Variants in NMNAT3 observed in about 807,000 individuals in gnomAD.
The protein encoded by NMNAT3 is nicotinamide nucleotide adenylyltransferase 3, also known as nicotinamide/nicotinic acid mononucleotide adenylyltransferase 3.
Under a neutral mutation model 24.8 loss-of-function variants are expected in NMNAT3, and 21 were observed. The observed-to-expected ratio is 0.85, with a 90% CI of 0.60 to 1.22. The LOEUF (loss-of-function observed/expected upper bound fraction) is 1.22. Ranked by LOEUF, NMNAT3 falls within the 50% of genes most tolerant of loss-of-function variation. The probability of loss-of-function intolerance (pLI) is 0.00; values close to 1 mark genes in which losing one functional copy is unlikely to be tolerated. For missense variants in NMNAT3, 387 were observed against 436.6 expected, an observed-to-expected ratio of 0.89 and a Z score of 1.01; for synonymous variants, 136 against 155.2, an observed-to-expected ratio of 0.88 and a Z score of 0.92.
At chr3:139,573,560 C>T in intron 6 of NMNAT3, 38 bp downstream of exon 6, 1 of 1,286,118 alleles carries the variant, frequency 7.8e-7, no homozygotes, top group East Asian at 2.4e-5. Flanking sequence ...GAATCCCTGA[C>T]ATCTCATTCT....
intron 6 of NMNAT3, among the ~76,000 whole-genome samples, chr3:139,562,378 C>A (rs1027457500): frequency 6.6e-6 from 1 of 152,160 alleles, no homozygotes; most frequent in Non-Finnish European, 1.5e-5. Flanking sequence ...CCGTGTCCCT[C>A]TTGGTGAGCT....
intron 6 of NMNAT3, among the ~76,000 whole-genome samples, chr3:139,561,864 A>G (rs1482062056): frequency 1.3e-5 from 2 of 152,210 alleles, no homozygotes; most frequent in African/African-American, 2.4e-5. Flanking sequence ...GCACTTTTAT[A>G]TAACAATCTC....
At chr3:139,599,555 CAT>C (rs2054621374) in intron 3 of NMNAT3, 1 of 609,136 alleles carries the variant, frequency 1.6e-6, no homozygotes, top group Non-Finnish European at 2.9e-6. Flanking sequence ...TAAGAAAAAA[CAT>C]AAAAAAGACC....
At chr3:139,641,491 A>AC (rs2056701960) in intron 1 of NMNAT3, among the ~76,000 whole-genome samples, 1 of 152,122 alleles carries the variant, frequency 6.6e-6, no homozygotes. Flanking sequence ...GCCCCAGGGG[A>AC]CCAGTCATAT....
intron 2 of NMNAT3, among the ~76,000 whole-genome samples, chr3:139,633,882 G>A (rs1376633550): frequency 6.6e-6 from 1 of 152,180 alleles, no homozygotes; most frequent in Non-Finnish European, 1.5e-5. Flanking sequence ...AAACAGGGAT[G>A]TGACTTGCTC....
intron 1 of NMNAT3, among the ~76,000 whole-genome samples, chr3:139,656,118 T>G (rs1470209608): frequency 6.6e-6 from 1 of 152,222 alleles, no homozygotes; most frequent in African/African-American, 2.4e-5. Flanking sequence ...CTTTCTGCCC[T>G]GGTTAGGGAT....
chr3:139,603,607 C>A (rs1233748979), intron 3 of NMNAT3, among the ~76,000 whole-genome samples: 1 of 150,354 alleles, frequency 6.7e-6, no homozygotes, highest in Non-Finnish European at 1.5e-5. Flanking sequence ...GCACCACTAC[C>A]ATCCTACCGT....
Position 139,573,698 on chromosome 3 carries a change from G to C in NMNAT3, c.576-18C>G. 1 of 1,495,078 alleles carries C rather than the reference G, an allele frequency of 6.7e-7. No homozygotes were observed. Among genetic ancestry groups the C allele is most frequent in the Non-Finnish European group, 9.1e-7 (1 of 1,098,668 alleles). The allele number at this position is 1,495,078 out of a possible 1,614,324, so 92.6% of individuals were successfully genotyped here. On this transcript the variant is annotated intron_variant, in intron 5 of 6. Transcript: ENST00000643695. ...GATGATGCCTGTGTTGTAAACATATGGGCTCAGGGTATGTCTGTCCTCCAG... is the reference window on the plus strand; with the variant it reads ...GATGATGCCTGTGTTGTAAACATATCGGCTCAGGGTATGTCTGTCCTCCAG...
At chr3:139,592,134 G>A (rs2054221479) in intron 3 of NMNAT3, among the ~76,000 whole-genome samples, 1 of 152,194 alleles carries the variant, frequency 6.6e-6, no homozygotes, top group South Asian at 2.1e-4. Flanking sequence ...AGGAGCTGAT[G>A]GAGCTGAAAA....
chr3:139,641,277 A>G (rs1448683009), intron 1 of NMNAT3, among the ~76,000 whole-genome samples: 1 of 152,232 alleles, frequency 6.6e-6, no homozygotes, highest in Non-Finnish European at 1.5e-5. Context: ...ACTGTGTGTG[A>G]ATTTAAAAAT....
chr3:139,658,662 G>A (rs954928099), intron 1 of NMNAT3, among the ~76,000 whole-genome samples: 6 of 151,976 alleles, frequency 3.9e-5, no homozygotes, highest in African/African-American at 9.7e-5. Flanking sequence ...TGGCAATCTC[G>A]CTTACTGTTT....
chr3:139,624,006 A>G (rs1263626931), intron 3 of NMNAT3, among the ~76,000 whole-genome samples: 2 of 152,130 alleles, frequency 1.3e-5, no homozygotes, highest in Non-Finnish European at 2.9e-5. Context: ...GAATTTTTCA[A>G]CTCCATTACA....
At position 139,656,573 on chromosome 3, in the gene NMNAT3, A is replaced by G. The variant is rs964602042; in HGVS notation, c.-140-18511T>C. The stretch of plus-strand genomic sequence containing the variant: ...GAGGCTGAGGCAGGCAGATTGCTTG[A>G]GGTTAGGAGTTTGAGACCAGCCTGG... On this transcript the variant is annotated intron_variant, in intron 1 of 6. Coordinates refer to ENST00000643695, the MANE Select transcript of NMNAT3 (RefSeq NM_001320510.2). Among the ~76,000 whole-genome samples, 9 of 152,328 alleles carry G rather than the reference A, an allele frequency of 5.9e-5. No homozygotes were observed. In the South Asian group the frequency reaches 1.5e-3, roughly 25 times the overall value.
chr3:139,597,734 A>G (rs2054544249), intron 3 of NMNAT3, among the ~76,000 whole-genome samples: 1 of 152,212 alleles, frequency 6.6e-6, no homozygotes, highest in African/African-American at 2.4e-5. Flanking sequence ...GGAATTGGCT[A>G]TGAGACTTGC....
intron 5 of NMNAT3, chr3:139,575,874 G>A: frequency 7.9e-7 from 1 of 1,262,172 alleles, no homozygotes; most frequent in South Asian, 1.3e-5. Flanking sequence ...TTCCCAGCCT[G>A]CAGATCCCTG....
intron 1 of NMNAT3, among the ~76,000 whole-genome samples, chr3:139,666,252 G>A (rs1350576073): frequency 1.3e-5 from 2 of 152,132 alleles, no homozygotes; most frequent in African/African-American, 4.8e-5. Flanking sequence ...TATGGCAAAA[G>A]TGATACTATG....
At chr3:139,650,378 A>T (rs950613424) in intron 1 of NMNAT3, among the ~76,000 whole-genome samples, 3 of 152,242 alleles carry the variant, frequency 2.0e-5, no homozygotes, top group Non-Finnish European at 2.9e-5. Flanking sequence ...GGCAGAGGGA[A>T]TGCTCTATCT....
In NMNAT3 at chr3:139,628,343, C is replaced by G. The variant is rs150300849; in HGVS notation, c.-40-579G>C. On this transcript the variant is annotated intron_variant, in intron 2 of 6. Coordinates refer to ENST00000643695, the MANE Select transcript of NMNAT3 (RefSeq NM_001320510.2). ...CTTGCTTTATCACTCTCTTTCCACACACATACATACCTGTTTATAAATATT... is the reference window on the plus strand; with the variant it reads ...CTTGCTTTATCACTCTCTTTCCACAGACATACATACCTGTTTATAAATATT... Among the ~76,000 whole-genome samples the G allele has an allele frequency of 5.9e-3, 893 of 152,336 alleles. 12 individuals carry two copies. Among genetic ancestry groups the G allele is most frequent in the African/African-American group, 0.02 (834 of 41,570 alleles).
intron 1 of NMNAT3, among the ~76,000 whole-genome samples, chr3:139,660,241 C>G (rs969075054): frequency 2.0e-5 from 3 of 152,096 alleles, no homozygotes; most frequent in Non-Finnish European, 4.4e-5. Flanking sequence ...TATGGTCCAC[C>G]GGGAATTAAC....
Sources: allele counts gnomAD v4.1 joint callset (sites outside exome capture counted in the v4.1 genomes callset), GRCh38; gene constraint gnomAD v4.1.1; transcripts MANE v1.5; gene names NCBI Gene and HGNC (gene_info 2026-07-23, HGNC 2026-07-21).